C8orf34: variants seen among roughly 807,000 people sequenced by gnomAD.
C8orf34 encodes the protein chromosome 8 open reading frame 34, also known as uncharacterized protein C8orf34.
A neutral mutation model predicts 68.3 loss-of-function variants in C8orf34; 65 were observed. The ratio of observed to expected loss-of-function variants is 0.95; its 90% CI spans 0.78 to 1.17. C8orf34 has a LOEUF of 1.17. Ranked by LOEUF, C8orf34 falls within the 50% of genes most tolerant of loss-of-function variation. C8orf34 has a pLI of 0.00. For synonymous variants in C8orf34, 244 were observed against 241.2 expected, an observed-to-expected ratio of 1.01 and a Z score of -0.11; for missense variants, 664 against 655.4, an observed-to-expected ratio of 1.01 and a Z score of -0.14.
intron 3 of C8orf34, among the ~76,000 whole-genome samples, chr8:68,456,492 T>C (rs924091259): frequency 2.0e-5 from 3 of 152,176 alleles, no homozygotes; most frequent in African/African-American, 7.2e-5. Flanking sequence ...AATGAATAAA[T>C]GAATAAATGA....
At chr8:68,415,743 G>A (rs887158346) in intron 1 of C8orf34, among the ~76,000 whole-genome samples, 2 of 152,156 alleles carry the variant, frequency 1.3e-5, no homozygotes, top group Admixed American at 6.6e-5. Context: ...GCTCAAATCC[G>A]AGACTTGATC....
At chr8:68,419,580 A>C (rs1212346896) in intron 1 of C8orf34, among the ~76,000 whole-genome samples, 2 of 151,676 alleles carry the variant, frequency 1.3e-5, no homozygotes, top group Non-Finnish European at 1.5e-5. Context: ...AACCAACCCA[A>C]ATGTCCAACA....
chr8:68,509,259 A>G (rs985706758), intron 5 of C8orf34, among the ~76,000 whole-genome samples: 3 of 152,190 alleles, frequency 2.0e-5, no homozygotes, highest in Non-Finnish European at 4.4e-5. Flanking sequence ...CTCTGGCTGC[A>G]TGACTGCCTG....
intron 9 of C8orf34, among the ~76,000 whole-genome samples, chr8:68,715,757 A>G (rs1365321817): frequency 3.3e-5 from 5 of 152,162 alleles, no homozygotes; most frequent in Non-Finnish European, 7.3e-5. Flanking sequence ...AACAGTGTGG[A>G]GATTCCTTAA....
At chr8:68,480,307 C>T (rs1223105668) in intron 4 of C8orf34, among the ~76,000 whole-genome samples, 1 of 152,184 alleles carries the variant, frequency 6.6e-6, no homozygotes, top group Non-Finnish European at 1.5e-5. Context: ...AAATGTCTTT[C>T]ACCTCCTGCC....
In C8orf34 at chr8:68,331,112, AC is replaced by A; in HGVS notation, c.103del (p.His35ThrfsTer77). Reference protein sequence around the residue: ...PHARVAPRAATHARGRGRASH... With the variant: ...PHARVAPRAAXHARGRGRASH... ...CGCGCGCGTGGCTCCCCGGGCTGCC[AC>A]CCACGCCCGCGGCCGGGGCCGAGCC... On this transcript the variant is annotated frameshift_variant, in exon 1 of 14. Coordinates refer to ENST00000518698, the MANE Select transcript of C8orf34 (RefSeq NM_052958.4). LOFTEE classifies it high-confidence loss of function. 4 of 1,507,050 alleles carry A rather than the reference AC, an allele frequency of 2.7e-6. No homozygotes were observed. In the South Asian group the frequency reaches 3.7e-5, roughly 14 times the overall value. The allele number at this position is 1,507,050 out of a possible 1,614,324, so 93.4% of individuals were successfully genotyped here.
rs529927115 is a variant in C8orf34 at position 68,727,587 on chromosome 8, C to G, written c.1404+6150C>G. ...CTAGCAGAGGTTCTCCATACAGGCC[C>G]TGCTCCTGCAGCAAACTTTTGCCTA... On this transcript the variant is annotated intron_variant, in intron 10 of 13. Coordinates refer to ENST00000518698, the MANE Select transcript of C8orf34 (RefSeq NM_052958.4). Among the ~76,000 whole-genome samples, 5 of 152,376 alleles carry G rather than the reference C, an allele frequency of 3.3e-5. No individual in the cohort carries two copies. In the South Asian group the frequency reaches 6.2e-4, roughly 19 times the overall value.
chr8:68,573,857 C>G (rs1457809531), intron 7 of C8orf34, among the ~76,000 whole-genome samples: 2 of 152,054 alleles, frequency 1.3e-5, no homozygotes, highest in African/African-American at 4.8e-5. Flanking sequence ...ATTAGACTAT[C>G]AAAAGTACAT....
At chr8:68,690,128 A>T (rs1287903067) in intron 8 of C8orf34, among the ~76,000 whole-genome samples, 1 of 152,112 alleles carries the variant, frequency 6.6e-6, no homozygotes, top group Non-Finnish European at 1.5e-5. Flanking sequence ...GTTAGGCTAT[A>T]AAAGTTCAAA....
chr8:68,611,767 T>C (rs1054913210), intron 7 of C8orf34, among the ~76,000 whole-genome samples: 2 of 152,138 alleles, frequency 1.3e-5, no homozygotes, highest in African/African-American at 4.8e-5. Flanking sequence ...GCTAACAATT[T>C]TGATTAAGGG....
chr8:68,479,761 A>T (rs1165908695), intron 4 of C8orf34, among the ~76,000 whole-genome samples: 1 of 152,132 alleles, frequency 6.6e-6, no homozygotes, highest in East Asian at 1.9e-4. Flanking sequence ...GGAGGAAGAG[A>T]TGGGTAGAGG....
intron 1 of C8orf34, among the ~76,000 whole-genome samples, chr8:68,387,064 A>AG (rs1423356205): frequency 1.1e-4 from 16 of 152,016 alleles, no homozygotes; most frequent in Non-Finnish European, 1.9e-4. Context: ...GGCATGATGG[A>AG]GACCCACATG....
At chr8:68,446,728 CT>C in intron 3 of C8orf34, 1 of 405,246 alleles carries the variant, frequency 2.5e-6, no homozygotes, top group Non-Finnish European at 4.3e-6. Context: ...GAGCGGGTCT[CT>C]TGTTTCTCAT....
chr8:68,714,156 A>G (rs1821403441), intron 9 of C8orf34, among the ~76,000 whole-genome samples: 1 of 152,176 alleles, frequency 6.6e-6, no homozygotes, highest in Non-Finnish European at 1.5e-5. Context: ...TAAAAAAGCC[A>G]TCTATGACAA....
At chr8:68,742,576 T>C (rs542140739) in intron 10 of C8orf34, among the ~76,000 whole-genome samples, 2 of 152,336 alleles carry the variant, frequency 1.3e-5, no homozygotes, top group East Asian at 3.9e-4. Flanking sequence ...TCTTTGTCTT[T>C]TGCTGTATTT....
At chr8:68,688,947 T>G (rs1043234483) in intron 8 of C8orf34, among the ~76,000 whole-genome samples, 1 of 152,014 alleles carries the variant, frequency 6.6e-6, no homozygotes, top group Non-Finnish European at 1.5e-5. Context: ...ACCTATGTAA[T>G]GAACCTGCAA....
At chr8:68,580,818 T>C (rs544224583) in intron 7 of C8orf34, among the ~76,000 whole-genome samples, 2 of 152,290 alleles carry the variant, frequency 1.3e-5, no homozygotes, top group African/African-American at 4.8e-5. Context: ...TTTCTCATGA[T>C]GGCAGTTCCC....
In C8orf34 at chr8:68,487,500, C is replaced by T. The variant is rs191530454; in HGVS notation, c.737-523C>T. On this transcript the variant is annotated intron_variant, in intron 4 of 13. Coordinates refer to ENST00000518698, the MANE Select transcript of C8orf34 (RefSeq NM_052958.4). ...GGAACTTGTGATGAAGAATCATTTA[C>T]GCATTGGCTCGAGGAGCTGTCAATC... 9.9e-5 allele frequency among the ~76,000 whole-genome samples: 15 copies of T among 152,256 alleles called. No individual in the cohort carries two copies. In the East Asian group the frequency reaches 1.5e-3, roughly 16 times the overall value.
chr8:68,798,308 T>A (rs1170573226), intron 12 of C8orf34, among the ~76,000 whole-genome samples: 1 of 149,044 alleles, frequency 6.7e-6, no homozygotes, highest in Non-Finnish European at 1.5e-5. Flanking sequence ...TTTTTTTTTT[T>A]AAACAGAGTC....
Sources: gnomAD v4.1 joint callset for allele counts (sites outside exome capture counted in the v4.1 genomes callset) on GRCh38, gnomAD v4.1.1 for gene constraint, MANE v1.5 for transcripts, NCBI Gene and HGNC (gene_info 2026-07-23, HGNC 2026-07-21) for gene names.